The following ANKS1B variants were observed in gnomAD, a reference collection of about 807,000 sequenced individuals.
ANKS1B encodes the protein ankyrin repeat and sterile alpha motif domain containing 1B, also known as ankyrin repeat and sterile alpha motif domain-containing protein 1B.
A neutral mutation model predicts 148.3 loss-of-function variants in ANKS1B; 36 were observed. That is an observed-to-expected ratio of 0.24 (90% CI 0.19 to 0.32). The LOEUF is 0.32. Ranked by LOEUF, ANKS1B falls within the 10% of genes least tolerant of loss-of-function variation. The pLI is 1.00. For synonymous variants in ANKS1B, 542 were observed against 560.8 expected, an observed-to-expected ratio of 0.97 and a Z score of 0.47; for missense variants, 1,157 against 1,542.6, an observed-to-expected ratio of 0.75 and a Z score of 4.19.
At chr12:99,231,710 C>T (rs947778358) in intron 14 of ANKS1B, among the ~76,000 whole-genome samples, 7 of 151,938 alleles carry the variant, frequency 4.6e-5, no homozygotes, top group Admixed American at 2.0e-4. Flanking sequence ...AGGAGGATAG[C>T]TATCAGCTGC....
chr12:99,627,373 T>C (rs2098120678), intron 9 of ANKS1B, among the ~76,000 whole-genome samples: 1 of 152,234 alleles, frequency 6.6e-6, no homozygotes. Context: ...GTTTATTATG[T>C]GCCAGGTTTT....
At chr12:98,767,003 G>C (rs901565202) in intron 25 of ANKS1B, among the ~76,000 whole-genome samples, 2 of 145,470 alleles carry the variant, frequency 1.4e-5, no homozygotes, top group African/African-American at 5.1e-5. Flanking sequence ...TTTTTTTGCA[G>C]ACATGGGGTT....
chr12:98,873,672 G>A (rs562523193), intron 17 of ANKS1B, among the ~76,000 whole-genome samples: 7 of 152,188 alleles, frequency 4.6e-5, no homozygotes, highest in Admixed American at 6.5e-5. Context: ...CTCTGAAACC[G>A]GCCCTAGAGC....
intron 19 of ANKS1B, among the ~76,000 whole-genome samples, chr12:98,809,302 C>T (rs1233537148): frequency 1.3e-5 from 2 of 152,232 alleles, no homozygotes; most frequent in Non-Finnish European, 2.9e-5. Context: ...GACCCATTCA[C>T]TCTGTTGGCC....
At chr12:99,061,960 G>A (rs113225961) in intron 16 of ANKS1B, among the ~76,000 whole-genome samples, 1 of 152,302 alleles carries the variant, frequency 6.6e-6, no homozygotes, top group African/African-American at 2.4e-5. Flanking sequence ...CAAGTTTCTA[G>A]CTTGGATATC....
intron 15 of ANKS1B, among the ~76,000 whole-genome samples, chr12:99,135,809 A>C (rs970746499): frequency 6.6e-6 from 1 of 152,330 alleles, no homozygotes; most frequent in East Asian, 1.9e-4. Flanking sequence ...TCCAAGAAAC[A>C]GTGGATTCAA....
At chr12:99,303,365 C>T (rs529437846) in intron 12 of ANKS1B, among the ~76,000 whole-genome samples, 4 of 152,054 alleles carry the variant, frequency 2.6e-5, no homozygotes, top group East Asian at 3.9e-4. Context: ...AGTCAACCTC[C>T]CATTTGAGGC....
At chr12:98,934,914 T>A (rs2099817062) in intron 17 of ANKS1B, among the ~76,000 whole-genome samples, 1 of 152,044 alleles carries the variant, frequency 6.6e-6, no homozygotes. Flanking sequence ...TAAGATCATG[T>A]CATCTGCAAA....
chr12:99,117,643 T>C (rs2061724299), intron 15 of ANKS1B, among the ~76,000 whole-genome samples: 1 of 152,228 alleles, frequency 6.6e-6, no homozygotes, highest in Non-Finnish European at 1.5e-5. Context: ...ATCAGGAATA[T>C]TGGCCTGAAA....
At chr12:99,032,946 T>C (rs1485300585) in intron 17 of ANKS1B, among the ~76,000 whole-genome samples, 1 of 152,238 alleles carries the variant, frequency 6.6e-6, no homozygotes. Flanking sequence ...AGTAAGTATA[T>C]CATGGTAGTG....
chr12:99,390,938 G>A (rs1005624223), intron 12 of ANKS1B, among the ~76,000 whole-genome samples: 7 of 152,190 alleles, frequency 4.6e-5, no homozygotes, highest in South Asian at 2.1e-4. Flanking sequence ...AGTGCGAGGC[G>A]AGCTGAGGTG....
chr12:99,906,356 C>G (rs1345522878), intron 1 of ANKS1B, among the ~76,000 whole-genome samples: 1 of 152,222 alleles, frequency 6.6e-6, no homozygotes, highest in Non-Finnish European at 1.5e-5. Flanking sequence ...CCATATTACT[C>G]TCTTTGTGAC....
At chr12:99,325,072 G>A (rs776373333) in intron 12 of ANKS1B, among the ~76,000 whole-genome samples, 1 of 152,132 alleles carries the variant, frequency 6.6e-6, no homozygotes, top group African/African-American at 2.4e-5. Flanking sequence ...ATGATGGACT[G>A]TATACACGAT....
At chr12:99,855,445 C>G (rs765127235) in intron 1 of ANKS1B, among the ~76,000 whole-genome samples, 2 of 152,046 alleles carry the variant, frequency 1.3e-5, no homozygotes, top group Non-Finnish European at 2.9e-5. Context: ...ATGAGATAGA[C>G]AGCAAGTCAA....
At chr12:99,499,554 G>A (rs567353914) in intron 10 of ANKS1B, among the ~76,000 whole-genome samples, 30 of 152,240 alleles carry the variant, frequency 2.0e-4, no homozygotes, top group Non-Finnish European at 3.4e-4. Flanking sequence ...ATGTAGGCAG[G>A]CTTTTGACTA....
chr12:99,653,245 C>T (rs1292875411), intron 9 of ANKS1B, among the ~76,000 whole-genome samples: 1 of 152,074 alleles, frequency 6.6e-6, no homozygotes, highest in Non-Finnish European at 1.5e-5. Flanking sequence ...AAATCAGATA[C>T]AATCATATTA....
At chr12:99,165,153 T>C (rs1012378390) in intron 14 of ANKS1B, among the ~76,000 whole-genome samples, 2 of 151,984 alleles carry the variant, frequency 1.3e-5, no homozygotes, top group African/African-American at 4.8e-5. Context: ...ACTATACTAG[T>C]AAGGAACAAT....
intron 21 of ANKS1B, among the ~76,000 whole-genome samples, chr12:98,800,675 G>GAGATATATAT (rs1555338103): frequency 3.0e-5 from 3 of 99,656 alleles, no homozygotes; most frequent in African/African-American, 1.0e-4. Flanking sequence ...AGTGAGCAGA[G>GAGATATATAT]ATATATATAT....
intron 12 of ANKS1B, among the ~76,000 whole-genome samples, chr12:99,281,341 CTG>C (rs1390547974): frequency 1.3e-5 from 2 of 152,134 alleles, no homozygotes; most frequent in Non-Finnish European, 2.9e-5. Context: ...TAAAAATTAA[CTG>C]TTTCAGTGGA....
Sources: gnomAD v4.1 joint callset for allele counts (sites outside exome capture counted in the v4.1 genomes callset) on GRCh38, gnomAD v4.1.1 for gene constraint, MANE v1.5 for transcripts, NCBI Gene and HGNC (gene_info 2026-07-23, HGNC 2026-07-21) for gene names.